The following LYPD6 variants were observed in gnomAD, a reference collection of about 807,000 sequenced individuals.
The protein encoded by LYPD6 is LY6/PLAUR domain containing 6.
Under a neutral mutation model 22.7 loss-of-function variants are expected in LYPD6, and 15 were observed. The ratio of observed to expected loss-of-function variants is 0.66; its 90% confidence interval spans 0.44 to 1.02. The LOEUF (loss-of-function observed/expected upper bound fraction) is 1.02, where lower values mean the gene tolerates loss of function less well. LYPD6 is among the 50% of genes least tolerant of loss of function. LYPD6 has a pLI of 0.00. For synonymous variants in LYPD6, 72 were observed against 77.5 expected (o/e 0.93, Z 0.37); for missense variants, 189 against 208.4 (o/e 0.91, Z 0.57).
downstream of LYPD6, among the ~76,000 whole-genome samples, chr2:149,475,834 A>C (rs1681443309): frequency 6.6e-6 from 1 of 152,164 alleles, no homozygotes; most frequent in Admixed American, 6.6e-5. Flanking sequence ...GCTTTCATAG[A>C]TAAAGCTTTG....
intron 1 of LYPD6, among the ~76,000 whole-genome samples, chr2:149,388,506 C>T (rs954641337): frequency 6.6e-6 from 1 of 152,038 alleles, no homozygotes; most frequent in Non-Finnish European, 1.5e-5. Context: ...AAGCACTGGG[C>T]TCTGTTGTTG....
chr2:149,343,690 G>A (rs1214997451), intron 1 of LYPD6, among the ~76,000 whole-genome samples: 3 of 152,184 alleles, frequency 2.0e-5, no homozygotes, highest in East Asian at 3.9e-4. Flanking sequence ...AAGGAAAGAT[G>A]TTGAGATCTT....
chr2:149,391,851 T>C (rs1573765920), intron 1 of LYPD6, among the ~76,000 whole-genome samples: 2 of 152,344 alleles, frequency 1.3e-5, no homozygotes, highest in African/African-American at 2.4e-5. Context: ...CTAATTGATG[T>C]ACCTCACCAG....
intron 1 of LYPD6, among the ~76,000 whole-genome samples, chr2:149,333,075 A>T (rs981008359): frequency 6.6e-6 from 1 of 152,224 alleles, no homozygotes; most frequent in South Asian, 2.1e-4. Flanking sequence ...ATAAATGAAT[A>T]TCTCATTAGT....
intron 2 of LYPD6, among the ~76,000 whole-genome samples, chr2:149,443,882 G>A (rs185088314): frequency 2.0e-5 from 3 of 147,730 alleles, no homozygotes; most frequent in Admixed American, 6.7e-5. Context: ...TTATACCATA[G>A]TTTATTAAGT....
intron 1 of LYPD6, among the ~76,000 whole-genome samples, chr2:149,422,079 G>A (rs1281102258): frequency 2.6e-5 from 4 of 152,128 alleles, no homozygotes; most frequent in African/African-American, 4.8e-5. Context: ...GAAAGCAAAC[G>A]TTCCTGGGCA....
At position 149,471,693 on chromosome 2, in the gene LYPD6, G is replaced by A. The variant is rs577650630; in HGVS notation, c.*843G>A. On this transcript the variant is annotated 3_prime_UTR_variant, in exon 5 of 5. Transcript: ENST00000334166. ...ATGGAGTTGTTTTCCCCAGATATGG[G>A]GTTCTATTCAGCCATAGATAATCTA... 2 of 152,490 alleles carry A rather than the reference G, an allele frequency of 1.3e-5. No homozygotes were observed. Among genetic ancestry groups the A allele is most frequent in the Admixed American group, 6.6e-5 (1 of 15,258 alleles). The allele number at this position is 152,490 out of a possible 1,614,324, so 9.4% of individuals were successfully genotyped here.
intron 3 of LYPD6, among the ~76,000 whole-genome samples, chr2:149,449,989 A>G (rs1683772162): frequency 6.6e-6 from 1 of 152,212 alleles, no homozygotes; most frequent in African/African-American, 2.4e-5. Flanking sequence ...TACTTAACCC[A>G]GTGAATGGTA....
chr2:149,456,158 C>T (rs986048015), intron 3 of LYPD6, among the ~76,000 whole-genome samples: 2 of 152,182 alleles, frequency 1.3e-5, no homozygotes, highest in African/African-American at 2.4e-5. Flanking sequence ...GTAGTAATTA[C>T]TAATTAGGGT....
intron 3 of LYPD6, among the ~76,000 whole-genome samples, chr2:149,465,360 G>T (rs529535188): frequency 6.6e-6 from 1 of 152,178 alleles, no homozygotes; most frequent in African/African-American, 2.4e-5. Flanking sequence ...GAAGTGAAGA[G>T]CTATGTGAAC....
intron 1 of LYPD6, among the ~76,000 whole-genome samples, chr2:149,353,721 A>T (rs1681400633): frequency 6.6e-6 from 1 of 152,140 alleles, no homozygotes; most frequent in Non-Finnish European, 1.5e-5. Context: ...ATTTGTTCAT[A>T]TGTGACTTGA....
the LYPD6 span, among the ~76,000 whole-genome samples, chr2:149,479,703 A>G: frequency 1.3e-5 from 2 of 152,102 alleles, no homozygotes; most frequent in East Asian, 1.9e-4. Context: ...TCCATGTCCA[A>G]TTCCACCCCT....
intron 1 of LYPD6, among the ~76,000 whole-genome samples, chr2:149,398,051 T>A (rs1218014934): frequency 6.6e-6 from 1 of 152,206 alleles, no homozygotes; most frequent in African/African-American, 2.4e-5. Flanking sequence ...GATGAGACAT[T>A]ACAAGATAAA....
chr2:149,393,346 G>A (rs189513916), intron 1 of LYPD6, among the ~76,000 whole-genome samples: 114 of 152,312 alleles, frequency 7.5e-4, no homozygotes, highest in African/African-American at 2.7e-3. Context: ...TCGGCAGCCA[G>A]GCAACTGAGG....
chr2:149,416,279 A>C (rs1385424886), intron 1 of LYPD6, among the ~76,000 whole-genome samples: 1 of 152,204 alleles, frequency 6.6e-6, no homozygotes, highest in Non-Finnish European at 1.5e-5. Context: ...TTGCTGGCTT[A>C]CTTAATGATG....
chr2:149,336,614 T>A (rs1681039035), intron 1 of LYPD6, among the ~76,000 whole-genome samples: 1 of 152,222 alleles, frequency 6.6e-6, no homozygotes, highest in African/African-American at 2.4e-5. Flanking sequence ...CTCTATTTGT[T>A]CATCTGTGTG....
intron 1 of LYPD6, among the ~76,000 whole-genome samples, chr2:149,399,060 C>T (rs936397464): frequency 6.6e-6 from 1 of 151,142 alleles, no homozygotes; most frequent in African/African-American, 2.4e-5. Flanking sequence ...TGTATATATG[C>T]AGTTATGTAG....
intron 1 of LYPD6, among the ~76,000 whole-genome samples, chr2:149,332,609 A>T (rs1174645879): frequency 6.6e-6 from 1 of 152,220 alleles, no homozygotes. Flanking sequence ...TCAATAGCAG[A>T]GTTCAGTCAA....
At chr2:149,450,601 G>A (rs531611350) in intron 3 of LYPD6, among the ~76,000 whole-genome samples, 36 of 152,252 alleles carry the variant, frequency 2.4e-4, no homozygotes, top group Admixed American at 1.8e-3. Flanking sequence ...ATATCCAGCC[G>A]TCTGAGTAAT....
Sources: allele counts gnomAD v4.1 joint callset (sites outside exome capture counted in the v4.1 genomes callset), GRCh38; gene constraint gnomAD v4.1.1; transcripts MANE v1.5; gene names NCBI Gene and HGNC (gene_info 2026-07-23, HGNC 2026-07-21).